The following KIF18A variants were observed in gnomAD, a reference collection of about 807,000 sequenced individuals.
KIF18A encodes the protein kinesin-like protein KIF18A.
In KIF18A, 67 loss-of-function variants were observed where a neutral mutation model predicts 103.3. The ratio of observed to expected loss-of-function variants is 0.65; its 90% CI spans 0.53 to 0.79. The LOEUF (loss-of-function observed/expected upper bound fraction) is 0.79. KIF18A is among the 30% of genes least tolerant of loss of function. The pLI is 0.00. For synonymous variants in KIF18A, 367 were observed against 355.5 expected, an observed-to-expected ratio of 1.03 and a Z score of -0.36; for missense variants, 1,032 against 1,062.5, an observed-to-expected ratio of 0.97 and a Z score of 0.40.
At chr11:28,033,203 C>CCT (rs1306083710) in intron 15 of KIF18A, among the ~76,000 whole-genome samples, 1 of 151,426 alleles carries the variant, frequency 6.6e-6, no homozygotes, top group African/African-American at 2.4e-5. Flanking sequence ...AAAAGACAGT[C>CCT]AACAACAAAC....
chr11:28,028,594 C>T (rs1423138818), intron 15 of KIF18A, among the ~76,000 whole-genome samples: 1 of 151,918 alleles, frequency 6.6e-6, no homozygotes, highest in Admixed American at 6.6e-5. Flanking sequence ...CTAAAATTGA[C>T]ACCCTAACAT....
At chr11:28,070,229 G>A (rs1201513379) in intron 10 of KIF18A, among the ~76,000 whole-genome samples, 1 of 152,142 alleles carries the variant, frequency 6.6e-6, no homozygotes, top group Non-Finnish European at 1.5e-5. Flanking sequence ...AAGAAGAGCA[G>A]AAACTAGATT....
intron 7 of KIF18A, among the ~76,000 whole-genome samples, chr11:28,084,080 AATTATT>A (rs1389880392): frequency 6.6e-6 from 1 of 152,096 alleles, no homozygotes; most frequent in Non-Finnish European, 1.5e-5. Flanking sequence ...TAATGTAACC[AATTATT>A]ATTATTATAT....
chr11:28,062,204 C>T (rs1850864186), intron 12 of KIF18A, among the ~76,000 whole-genome samples, 191 bp downstream of exon 12: 2 of 152,052 alleles, frequency 1.3e-5, no homozygotes, highest in Non-Finnish European at 2.9e-5. Flanking sequence ...AAAACACTTT[C>T]AAATTTATAA....
chr11:28,029,212 C>T (rs1437867366), intron 15 of KIF18A, among the ~76,000 whole-genome samples: 2 of 152,072 alleles, frequency 1.3e-5, no homozygotes, highest in Non-Finnish European at 2.9e-5. Flanking sequence ...CAAAGCCTGG[C>T]AGAGACACAA....
At chr11:28,023,601 G>T in intron 16 of KIF18A, 140 bp downstream of exon 16, 1 of 469,016 alleles carries the variant, frequency 2.1e-6, no homozygotes, top group Admixed American at 3.9e-5. Context: ...ATAATATGTG[G>T]ATAATCATAC....
At chr11:28,057,985 TA>T (rs1850803550) in intron 13 of KIF18A, among the ~76,000 whole-genome samples, 1 of 152,210 alleles carries the variant, frequency 6.6e-6, no homozygotes, top group African/African-American at 2.4e-5. Context: ...AAGCTTTATG[TA>T]ATACATGTGT....
chr11:28,104,747 T>A (rs1254673536), intron 1 of KIF18A, among the ~76,000 whole-genome samples: 1 of 152,192 alleles, frequency 6.6e-6, no homozygotes, highest in Non-Finnish European at 1.5e-5. Context: ...ACACTGCTTG[T>A]CAAATATTTA....
chr11:28,024,163 A>G (rs972787671), intron 15 of KIF18A, among the ~76,000 whole-genome samples: 1 of 149,552 alleles, frequency 6.7e-6, no homozygotes, highest in Non-Finnish European at 1.5e-5. Context: ...CAAAATGTAG[A>G]GATCAGTAGC....
chr11:28,064,561 C>T (rs924278745), intron 11 of KIF18A, among the ~76,000 whole-genome samples: 3 of 151,908 alleles, frequency 2.0e-5, no homozygotes, highest in African/African-American at 7.2e-5. Context: ...TGTAACAAAC[C>T]TACATGTTGT....
At chr11:28,070,694 CA>C (rs1348145526) in intron 10 of KIF18A, among the ~76,000 whole-genome samples, 1 of 152,096 alleles carries the variant, frequency 6.6e-6, no homozygotes, top group Admixed American at 6.6e-5. Flanking sequence ...GAAAACAAAA[CA>C]AAATGTAACC....
At chr11:28,066,269 C>A (rs1202922784) in intron 11 of KIF18A, among the ~76,000 whole-genome samples, 1 of 152,030 alleles carries the variant, frequency 6.6e-6, no homozygotes, top group Admixed American at 6.6e-5. Flanking sequence ...ACACCTGCTA[C>A]CAATCCAAGA....
chr11:28,053,576 C>T (rs1850739097), intron 13 of KIF18A, among the ~76,000 whole-genome samples: 1 of 151,858 alleles, frequency 6.6e-6, no homozygotes, highest in South Asian at 2.1e-4. Context: ...CATATGTATA[C>T]ATGTGCCATG....
intron 11 of KIF18A, among the ~76,000 whole-genome samples, chr11:28,064,757 A>G (rs1175329176): frequency 1.3e-5 from 2 of 152,094 alleles, no homozygotes; most frequent in African/African-American, 2.4e-5. Flanking sequence ...CAAGTTTACA[A>G]TTTAAGTCTT....
At chr11:28,068,517 A>G (rs1850967594) in intron 11 of KIF18A, among the ~76,000 whole-genome samples, 1 of 150,424 alleles carries the variant, frequency 6.6e-6, no homozygotes, top group Admixed American at 6.6e-5. Context: ...AGTGTCTTCT[A>G]TCTACAGATA....
chr11:28,061,015 GT>G (rs1293316053), intron 12 of KIF18A, among the ~76,000 whole-genome samples: 2 of 152,176 alleles, frequency 1.3e-5, no homozygotes, highest in Non-Finnish European at 2.9e-5. Context: ...TTTGCCGAAT[GT>G]GCTTTGTAGC....
intron 3 of KIF18A, among the ~76,000 whole-genome samples, chr11:28,092,204 T>G (rs1289025547): frequency 6.6e-6 from 1 of 152,100 alleles, no homozygotes; most frequent in South Asian, 2.1e-4. Context: ...TGGTTCTTAC[T>G]GTGGAAGATA....
chr11:28,059,649 C>T (rs1850833643), intron 12 of KIF18A, among the ~76,000 whole-genome samples: 1 of 151,938 alleles, frequency 6.6e-6, no homozygotes, highest in South Asian at 2.1e-4. Flanking sequence ...CCAGGTTGGT[C>T]TCAAACACTT....
chr11:28,093,131 A>G (rs970851424), intron 3 of KIF18A, among the ~76,000 whole-genome samples: 104 of 152,314 alleles, frequency 6.8e-4, no homozygotes, highest in African/African-American at 2.3e-3. Context: ...AATAATATGA[A>G]AGTAGATTAA....
Sources: allele counts gnomAD v4.1 joint callset (sites outside exome capture counted in the v4.1 genomes callset), GRCh38; gene constraint gnomAD v4.1.1; transcripts MANE v1.5; gene names NCBI Gene and HGNC (gene_info 2026-07-23, HGNC 2026-07-21).